Variants in SMYD4 observed in about 807,000 individuals in gnomAD.
The protein encoded by SMYD4 is protein-lysine N-methyltransferase SMYD4.
Under a neutral mutation model 72.8 loss-of-function variants are expected in SMYD4, and 68 were observed. That is an observed-to-expected ratio of 0.93 (90% CI 0.77 to 1.14). The LOEUF (loss-of-function observed/expected upper bound fraction) is 1.14. Among genes scored for constraint, SMYD4 ranks in the 50% most tolerant of loss-of-function variants. SMYD4 has a pLI of 0.00. For synonymous variants in SMYD4, 407 were observed against 388.6 expected, an observed-to-expected ratio of 1.05 and a Z score of -0.56; for missense variants, 984 against 1,003.7, an observed-to-expected ratio of 0.98 and a Z score of 0.27.
rs1345918905 is a variant in SMYD4 at position 1,801,042 on chromosome 17, ATCCCACAATGACCCTTGG to A, written c.370-36_370-19del. The A allele has an allele frequency of 1.9e-6, 3 of 1,577,860 alleles. No individual in the cohort carries two copies. In the Admixed American group the frequency reaches 5.3e-5, roughly 28 times the overall value. On this transcript the variant is annotated intron_variant, in intron 4 of 10. Transcript: ENST00000305513. ...AGACACGTCTGAAAACAGAAAGAAA[ATCCCACAATGACCCTTGG>A]TCCCTATTCTTCAATGTTTACTGAA...
At chr17:1,787,848 C>T (rs769229900) in intron 5 of SMYD4, among the ~76,000 whole-genome samples, 2 of 152,160 alleles carry the variant, frequency 1.3e-5, no homozygotes, top group Non-Finnish European at 2.9e-5. Context: ...TGTGTCTCTA[C>T]ACCACGAAAT....
Position 1,779,772 on chromosome 17 carries a change from G to C in SMYD4, c.*1514C>G, listed in dbSNP as rs1047177298. ...GTCGAGGAAGCTAGATACTGTAAGT[G>C]GAACGGTGTGTCTCTGGAGGTAAGC... On this transcript the variant is annotated 3_prime_UTR_variant, in exon 11 of 11. Coordinates refer to ENST00000305513, the MANE Select transcript of SMYD4 (RefSeq NM_052928.3). The C allele has an allele frequency of 2.0e-5, 3 of 152,558 alleles. No individual in the cohort carries two copies. Among genetic ancestry groups the C allele is most frequent in the African/African-American group, 7.2e-5 (3 of 41,456 alleles). The allele number at this position is 152,558 out of a possible 1,614,324, so 9.5% of individuals were successfully genotyped here.
chr17:1,818,486 T>C (rs1045639469), intron 2 of SMYD4, among the ~76,000 whole-genome samples: 1 of 152,192 alleles, frequency 6.6e-6, no homozygotes, highest in Admixed American at 6.6e-5. Context: ...TCATTATCAC[T>C]AAAAAATTAA....
intron 4 of SMYD4, among the ~76,000 whole-genome samples, chr17:1,802,476 A>G (rs1436630683): frequency 4.6e-5 from 7 of 152,202 alleles, no homozygotes; most frequent in Non-Finnish European, 8.8e-5. Flanking sequence ...CCTGGGTAAC[A>G]GAGACCCTGT....
Position 1,799,999 on chromosome 17 carries a change from C to G in SMYD4, c.1395G>C (p.Glu465Asp), listed in dbSNP as rs747204058. 2.1e-5 allele frequency: 34 copies of G among 1,614,018 alleles called. No individual in the cohort carries two copies. Among genetic ancestry groups the G allele is most frequent in the African/African-American group, 2.7e-5 (2 of 74,910 alleles). Reference protein sequence around the residue: ...EAASLQAIPTERIVNSSQLKA... With the variant: ...EAASLQAIPTDRIVNSSQLKA... ...TAAGCTGAGAGGAGTTCACAATCCT[C>G]TCAGTTGGGATGGCCTGTAAACTGG... Residue 465 changes from glutamate (E) to aspartate (D), a missense_variant, in exon 5 of 11, where the codon GAG (glutamate) becomes GAC (aspartate). Coordinates refer to ENST00000305513, the MANE Select transcript of SMYD4 (RefSeq NM_052928.3).
intron 5 of SMYD4, among the ~76,000 whole-genome samples, chr17:1,793,075 A>C (rs34665863): frequency 6.6e-6 from 1 of 151,792 alleles, no homozygotes; most frequent in Admixed American, 6.6e-5. Context: ...GCACCACCAC[A>C]CTCAGCTAAT....
At chr17:1,790,929 T>C (rs915056827) in intron 5 of SMYD4, among the ~76,000 whole-genome samples, 1 of 150,544 alleles carries the variant, frequency 6.6e-6, no homozygotes, top group Non-Finnish European at 1.5e-5. Flanking sequence ...GATCGAGACC[T>C]TCCTGGCTAA....
chr17:1,808,325 G>T (rs1385266489), intron 3 of SMYD4, among the ~76,000 whole-genome samples: 1 of 152,076 alleles, frequency 6.6e-6, no homozygotes, highest in Non-Finnish European at 1.5e-5. Context: ...AATAACATGA[G>T]AAAATGGGCA....
intron 7 of SMYD4, among the ~76,000 whole-genome samples, chr17:1,784,931 G>A (rs1181222397): frequency 5.4e-5 from 8 of 149,266 alleles, no homozygotes; most frequent in Admixed American, 2.7e-4. Flanking sequence ...CACCAAGCCC[G>A]GCTAAATTTT....
chr17:1,800,717 T>G lies in SMYD4; in HGVS notation c.677A>C (p.Glu226Ala), dbSNP rs750080302. The G allele has an allele frequency of 2.5e-6, 4 of 1,614,120 alleles. No individual in the cohort carries two copies. The highest frequency in any genetic ancestry group is 1.3e-5 in the African/African-American group (1 of 74,940). Residue 226 changes from glutamate to alanine, a missense_variant, in exon 5 of 11, where the codon GAA (glutamate) becomes GCA (alanine). By Grantham distance (107) the Glu-to-Ala change is moderately radical. Transcript: ENST00000305513. ...LEDAALREEN[E>A]QLSNASSSIG... ...GGATGATGAGGCATTGGAAAGTTGT[T>G]CATTCTCCTCCCTCAGCGCTGCATC...
At chr17:1,790,792 A>T (rs1204920341) in intron 5 of SMYD4, among the ~76,000 whole-genome samples, 6 of 151,534 alleles carry the variant, frequency 4.0e-5, no homozygotes, top group Non-Finnish European at 8.8e-5. Context: ...TGGCTAAGCC[A>T]TGCCCATCCC....
intron 2 of SMYD4, among the ~76,000 whole-genome samples, chr17:1,816,861 ATCT>A (rs1242514069): frequency 6.6e-6 from 1 of 151,882 alleles, no homozygotes; most frequent in East Asian, 1.9e-4. Context: ...CTATTTGTGT[ATCT>A]TCTTTGGAGA....
intron 6 of SMYD4, 33 bp from the exon 7 acceptor site, chr17:1,787,006 A>T: frequency 6.5e-7 from 1 of 1,535,452 alleles, no homozygotes; most frequent in South Asian, 1.1e-5. Flanking sequence ...CAATATTGAA[A>T]GCAAGAGAGA....
intron 5 of SMYD4, among the ~76,000 whole-genome samples, chr17:1,795,423 CTATCTATCTATCTAT>C (rs1909345041): frequency 1.8e-5 from 1 of 54,666 alleles, no homozygotes; most frequent in African/African-American, 5.1e-5. Flanking sequence ...ATCTATCTAT[CTATCTATCTATCTAT>C]CTATCTAATC....
intron 3 of SMYD4, among the ~76,000 whole-genome samples, chr17:1,804,935 C>T (rs1223399281): frequency 6.6e-6 from 1 of 152,112 alleles, no homozygotes; most frequent in African/African-American, 2.4e-5. Context: ...ACAGCTTCAA[C>T]CACAAACAAT....
rs543137578 is a variant in SMYD4, at chr17:1,821,892, T to G, written c.134+5969A>C. 3.4e-5 allele frequency among the ~76,000 whole-genome samples: 5 copies of G among 146,136 alleles called. No individual in the cohort carries two copies. In the South Asian group the frequency reaches 1.1e-3, roughly 32 times the overall value. ...GTTGCAGTGAGCCCAGATCGTGCCA[T>G]TGCACTCCAGCCTGGGTGGCAGAGT... On this transcript the variant is annotated intron_variant, in intron 2 of 10. Coordinates refer to ENST00000305513, the MANE Select transcript of SMYD4 (RefSeq NM_052928.3).
At chr17:1,804,550 C>T in intron 4 of SMYD4, 76 bp downstream of exon 4, 2 of 1,239,780 alleles carry the variant, frequency 1.6e-6, no homozygotes, top group East Asian at 4.7e-5. Context: ...ATGGAAGAAG[C>T]AGAGATGAAG....
chr17:1,811,876 G>C, intron 3 of SMYD4, 95 bp downstream of exon 3: 1 of 1,382,504 alleles, frequency 7.2e-7, no homozygotes, highest in African/African-American at 1.4e-5. Context: ...GCAGTGAGCT[G>C]AGATTATACC....
At chr17:1,790,991 G>C (rs563505032) in intron 5 of SMYD4, among the ~76,000 whole-genome samples, 130 of 151,550 alleles carry the variant, frequency 8.6e-4, no homozygotes, top group Middle Eastern at 6.8e-3. Context: ...GCCGGGCATG[G>C]TGGTGGGCGC....
Sources: allele counts gnomAD v4.1 joint callset (sites outside exome capture counted in the v4.1 genomes callset), GRCh38; gene constraint gnomAD v4.1.1; transcripts MANE v1.5; gene names NCBI Gene and HGNC (gene_info 2026-07-23, HGNC 2026-07-21).